SLC9A9: variants seen among roughly 807,000 people sequenced by gnomAD.
The protein encoded by SLC9A9 is solute carrier family 9 member A9.
In SLC9A9, 62 loss-of-function variants were observed where a neutral mutation model predicts 77.8. That is an observed-to-expected ratio of 0.80 (90% CI 0.65 to 0.98). The LOEUF is 0.98. SLC9A9 is among the 50% of genes least tolerant of loss of function. The probability of loss-of-function intolerance (pLI) is 0.00; values close to 1 mark genes in which losing one functional copy is unlikely to be tolerated. For synonymous variants in SLC9A9, 320 were observed against 283.5 expected, an observed-to-expected ratio of 1.13 and a Z score of -1.29; for missense variants, 775 against 774.9, an observed-to-expected ratio of 1.00 and a Z score of 0.00.
At chr3:143,520,491 A>T (rs889216536) in intron 9 of SLC9A9, among the ~76,000 whole-genome samples, 1 of 152,204 alleles carries the variant, frequency 6.6e-6, no homozygotes, top group African/African-American at 2.4e-5. Context: ...TAAACTACCC[A>T]GTGGTATTCT....
In SLC9A9 at chr3:143,494,121, C is replaced by T. The variant is rs572360703; in HGVS notation, c.1204-357G>A. On this transcript the variant is annotated intron_variant, in intron 10 of 15. Coordinates refer to ENST00000316549, the MANE Select transcript of SLC9A9 (RefSeq NM_173653.4). The stretch of plus-strand genomic sequence containing the variant: ...CATTCAGATGCTGTGGCATTATCTT[C>T]CCAAGTGGTACTTTAGAAAGGATAA... 5.3e-5 allele frequency among the ~76,000 whole-genome samples: 8 copies of T among 152,298 alleles called. No individual in the cohort carries two copies. The South Asian group carries it at 1.5e-3, about 28-fold the overall frequency.
At chr3:143,693,119 T>C in intron 5 of SLC9A9, 73 bp downstream of exon 5, 4 of 1,129,314 alleles carry the variant, frequency 3.5e-6, no homozygotes, top group East Asian at 2.5e-5. Context: ...ACGCAGGTGA[T>C]GGTCTTGGGG....
At chr3:143,588,169 C>G (rs566357232) in intron 6 of SLC9A9, among the ~76,000 whole-genome samples, 50 of 152,150 alleles carry the variant, frequency 3.3e-4, no homozygotes, top group Non-Finnish European at 6.2e-4. Flanking sequence ...AAAAGAGTTA[C>G]TTGCCAGGGT....
rs751780778 is a variant in SLC9A9 at position 143,370,683 on chromosome 3, AG to A, written c.1525-7121del. On this transcript the variant is annotated intron_variant, in intron 13 of 15. Transcript: ENST00000316549. Reference sequence around the variant, plus strand: ...CCCAGAACCACTACTGCCATAGTAAAGGTAAGAGTCTCACGTGTAGATTTGT... The same window carrying A: ...CCCAGAACCACTACTGCCATAGTAAAGTAAGAGTCTCACGTGTAGATTTGT... Among the ~76,000 whole-genome samples the A allele has an allele frequency of 1.1e-4, 17 of 152,094 alleles. No homozygotes were observed. The East Asian group carries it at 1.4e-3, about 12-fold the overall frequency.
chr3:143,445,604 A>C (rs2034827443), intron 12 of SLC9A9, among the ~76,000 whole-genome samples: 1 of 152,166 alleles, frequency 6.6e-6, no homozygotes, highest in South Asian at 2.1e-4. Flanking sequence ...GCTGAGCTGC[A>C]GATGAACCCA....
chr3:143,352,344 G>A (rs1225735810), intron 14 of SLC9A9, among the ~76,000 whole-genome samples: 1 of 152,218 alleles, frequency 6.6e-6, no homozygotes, highest in Admixed American at 6.5e-5. Context: ...GGAAAGATTT[G>A]CTTAGCAGCC....
intron 4 of SLC9A9, among the ~76,000 whole-genome samples, chr3:143,696,961 A>G (rs1478910012): frequency 2.0e-5 from 3 of 152,018 alleles, no homozygotes; most frequent in Non-Finnish European, 1.5e-5. Context: ...ATAGTTTCCT[A>G]TAAATTTATA....
intron 6 of SLC9A9, among the ~76,000 whole-genome samples, chr3:143,644,848 A>G (rs890132990): frequency 2.6e-5 from 4 of 152,148 alleles, no homozygotes; most frequent in Admixed American, 1.3e-4. Context: ...TCAGTTTTCA[A>G]GGCAAATATC....
chr3:143,842,699 C>A (rs1453228406), intron 1 of SLC9A9, among the ~76,000 whole-genome samples: 1 of 152,228 alleles, frequency 6.6e-6, no homozygotes, highest in Non-Finnish European at 1.5e-5. Context: ...TTAACTTGTT[C>A]TCCTCACCTT....
chr3:143,737,744 C>A (rs1934978239), intron 4 of SLC9A9, among the ~76,000 whole-genome samples: 1 of 152,020 alleles, frequency 6.6e-6, no homozygotes, highest in African/African-American at 2.4e-5. Flanking sequence ...ACTTAATTTT[C>A]TTTTAAATAA....
intron 5 of SLC9A9, among the ~76,000 whole-genome samples, chr3:143,681,399 G>T (rs151124806): frequency 2.6e-5 from 4 of 151,926 alleles, no homozygotes; most frequent in African/African-American, 9.7e-5. Flanking sequence ...ATAATGTATC[G>T]ATGTAACAGG....
At chr3:143,712,442 G>T (rs1934223901) in intron 4 of SLC9A9, among the ~76,000 whole-genome samples, 2 of 152,198 alleles carry the variant, frequency 1.3e-5, no homozygotes, top group African/African-American at 2.4e-5. Context: ...ACCTTGGCCA[G>T]TTGCTTGGCA....
intron 1 of SLC9A9, among the ~76,000 whole-genome samples, chr3:143,833,810 G>T (rs1470146802): frequency 2.6e-5 from 4 of 152,172 alleles, no homozygotes; most frequent in Non-Finnish European, 5.9e-5. Context: ...CTAACACAAT[G>T]CATATATACA....
chr3:143,620,807 C>A (rs1576615393), intron 6 of SLC9A9, among the ~76,000 whole-genome samples: 1 of 152,252 alleles, frequency 6.6e-6, no homozygotes, highest in Admixed American at 6.5e-5. Flanking sequence ...TGAGCTGAAG[C>A]AGGGCGAGGC....
intron 4 of SLC9A9, among the ~76,000 whole-genome samples, chr3:143,783,446 C>T (rs932157921): frequency 6.6e-6 from 1 of 152,130 alleles, no homozygotes; most frequent in African/African-American, 2.4e-5. Context: ...TCCCCAGAGG[C>T]GTCTCCTGGC....
chr3:143,670,846 A>G (rs1488743847), intron 5 of SLC9A9, among the ~76,000 whole-genome samples: 1 of 152,200 alleles, frequency 6.6e-6, no homozygotes, highest in Non-Finnish European at 1.5e-5. Flanking sequence ...TACAGTGCCT[A>G]TGACATAGCA....
At chr3:143,337,261 C>A (rs927767470) in intron 14 of SLC9A9, among the ~76,000 whole-genome samples, 1 of 152,100 alleles carries the variant, frequency 6.6e-6, no homozygotes, top group Admixed American at 6.5e-5. Context: ...AGCTTCCCTC[C>A]TTCCACCCCC....
chr3:143,514,021 G>A (rs1265311494), intron 9 of SLC9A9, among the ~76,000 whole-genome samples: 1 of 151,980 alleles, frequency 6.6e-6, no homozygotes, highest in Non-Finnish European at 1.5e-5. Context: ...ACAGGCCTCG[G>A]TGTGTGATGT....
chr3:143,643,563 C>A (rs1194409879), intron 6 of SLC9A9, among the ~76,000 whole-genome samples: 1 of 152,178 alleles, frequency 6.6e-6, no homozygotes, highest in Non-Finnish European at 1.5e-5. Context: ...TGGCAGCTTC[C>A]CACTCTTGCT....
Sources: gnomAD v4.1 joint callset for allele counts (sites outside exome capture counted in the v4.1 genomes callset) on GRCh38, gnomAD v4.1.1 for gene constraint, MANE v1.5 for transcripts, NCBI Gene and HGNC (gene_info 2026-07-23, HGNC 2026-07-21) for gene names.